Variants in GRM1 observed in about 807,000 individuals in gnomAD.
The protein encoded by GRM1 is metabotropic glutamate receptor 1.
Under a neutral mutation model 90.9 loss-of-function variants are expected in GRM1, and 33 were observed. The observed-to-expected ratio is 0.36, with a 90% confidence interval of 0.28 to 0.49. GRM1 has a LOEUF of 0.49. GRM1 is among the 20% of genes least tolerant of loss of function. The pLI is 0.99. For missense variants in GRM1, 1,190 were observed against 1,534.3 expected (o/e 0.78, Z 3.75); for synonymous variants, 700 against 613.2 (o/e 1.14, Z -2.09).
intron 1 of GRM1, among the ~76,000 whole-genome samples, chr6:146,148,488 A>G (rs1225653742): frequency 1.3e-5 from 2 of 152,164 alleles, no homozygotes; most frequent in Non-Finnish European, 2.9e-5. Context: ...ATTGAGTACA[A>G]TTTTATATCA....
At chr6:146,420,208 T>G (rs1014354421) in intron 7 of GRM1, among the ~76,000 whole-genome samples, 4 of 152,228 alleles carry the variant, frequency 2.6e-5, no homozygotes, top group African/African-American at 9.6e-5. Context: ...TTTGTAATCA[T>G]GTGAAGCTAA....
intron 2 of GRM1, among the ~76,000 whole-genome samples, chr6:146,170,504 G>A (rs1434027259): frequency 3.3e-5 from 5 of 151,898 alleles, no homozygotes; most frequent in African/African-American, 4.8e-5. Context: ...TTTTGTAATC[G>A]TTATTGATTC....
At chr6:146,041,060 C>A (rs901476196) in intron 1 of GRM1, among the ~76,000 whole-genome samples, 2 of 151,854 alleles carry the variant, frequency 1.3e-5, no homozygotes, top group Non-Finnish European at 2.9e-5. Context: ...TTTGATTCAA[C>A]TAAAGTATTT....
At chr6:146,381,325 C>G (rs1402260940) in intron 5 of GRM1, among the ~76,000 whole-genome samples, 1 of 152,208 alleles carries the variant, frequency 6.6e-6, no homozygotes, top group African/African-American at 2.4e-5. Flanking sequence ...CGAGTATCTT[C>G]TAGATAGGGC....
At chr6:146,191,227 A>C (rs1778926061) in intron 2 of GRM1, among the ~76,000 whole-genome samples, 1 of 152,062 alleles carries the variant, frequency 6.6e-6, no homozygotes, top group Non-Finnish European at 1.5e-5. Flanking sequence ...CTTCTCTGTC[A>C]TGGCATTACC....
At chr6:146,053,180 C>T (rs1775354717) in intron 1 of GRM1, among the ~76,000 whole-genome samples, 2 of 152,032 alleles carry the variant, frequency 1.3e-5, no homozygotes, top group African/African-American at 2.4e-5. Context: ...GAAATTAAGG[C>T]TCAAATAGGT....
intron 3 of GRM1, among the ~76,000 whole-genome samples, chr6:146,345,145 T>C (rs985809425): frequency 3.9e-5 from 6 of 152,202 alleles, no homozygotes; most frequent in African/African-American, 7.2e-5. Context: ...CATGTGTTGC[T>C]AATACTGTAG....
chr6:146,227,123 A>C (rs148256941), intron 2 of GRM1, among the ~76,000 whole-genome samples: 1 of 152,070 alleles, frequency 6.6e-6, no homozygotes. Flanking sequence ...TTTATATAAA[A>C]CTATTGTATA....
At position 146,029,573 on chromosome 6, in the gene GRM1, T is replaced by C; in HGVS notation, c.56T>C (p.Leu19Pro). 1 of 1,613,980 alleles carries C rather than the reference T, an allele frequency of 6.2e-7. No individual in the cohort carries two copies. Among genetic ancestry groups the C allele is most frequent in the Non-Finnish European group, 8.5e-7 (1 of 1,179,996 alleles). Reference sequence around the variant, plus strand: ...GCGATCTTTTTGGAGGTGTCCCTTCTCCCCAGAAGCCCCGGCAGGAAAGTG... The same window carrying C: ...GCGATCTTTTTGGAGGTGTCCCTTCCCCCCAGAAGCCCCGGCAGGAAAGTG... ...FPAIFLEVSL[L>P]PRSPGRKVLL... Residue 19 changes from leucine (L) to proline (P), a missense_variant, in exon 1 of 8, where the codon CTC becomes CCC. This residue lies in a region of GRM1 where 44 missense variants were observed against 35.8 expected (regional missense o/e 1.23). Coordinates refer to ENST00000282753, the MANE Select transcript of GRM1 (RefSeq NM_001278064.2).
intron 5 of GRM1, among the ~76,000 whole-genome samples, chr6:146,374,426 A>C (rs1776018746): frequency 1.3e-5 from 2 of 152,158 alleles, no homozygotes; most frequent in South Asian, 2.1e-4. Context: ...TTTTTGTTAT[A>C]GTTTGAGTAG....
At chr6:146,278,741 G>C (rs1184649794) in intron 2 of GRM1, among the ~76,000 whole-genome samples, 1 of 152,154 alleles carries the variant, frequency 6.6e-6, no homozygotes, top group East Asian at 1.9e-4. Context: ...CCGAGATCAC[G>C]CTACTGCACT....
rs1164254745 is a variant in GRM1, at chr6:146,416,172, T to C, written c.2660+16473T>C. Among the ~76,000 whole-genome samples the C allele has an allele frequency of 1.3e-5, 2 of 152,162 alleles. 1 individual carries two copies. Among genetic ancestry groups the C allele is most frequent in the East Asian group, 3.8e-4 (2 of 5,196 alleles). ...TTGCTTTTCAGTCAGTCTGATAATGTTTACCTTTAAATTAGAATATCTAGT... is the reference window on the plus strand; with the variant it reads ...TTGCTTTTCAGTCAGTCTGATAATGCTTACCTTTAAATTAGAATATCTAGT... On this transcript the variant is annotated intron_variant, in intron 7 of 7. Transcript: ENST00000282753.
At chr6:146,417,537 G>T (rs189715891) in intron 7 of GRM1, among the ~76,000 whole-genome samples, 1 of 152,136 alleles carries the variant, frequency 6.6e-6, no homozygotes, top group Non-Finnish European at 1.5e-5. Flanking sequence ...TATGATAATT[G>T]CTTATTCAGT....
chr6:146,336,762 C>T (rs1359807942), intron 3 of GRM1, among the ~76,000 whole-genome samples: 1 of 152,204 alleles, frequency 6.6e-6, no homozygotes, highest in East Asian at 1.9e-4. Flanking sequence ...AGACACAGTC[C>T]CATCTTGAAC....
chr6:146,278,895 C>G lies in GRM1; in HGVS notation c.951-25716C>G, dbSNP rs188861276. Among the ~76,000 whole-genome samples, 294 of 152,168 alleles carry G rather than the reference C, an allele frequency of 1.9e-3. 1 individual carries two copies. Among genetic ancestry groups the G allele is most frequent in the African/African-American group, 7.0e-3 (289 of 41,544 alleles). Reference sequence around the variant, plus strand: ...TAATTTTTTGTATTTTTAGTAGAGTCGGGGTTTCACCGTGTTAGTCAGGAT... The same window carrying G: ...TAATTTTTTGTATTTTTAGTAGAGTGGGGGTTTCACCGTGTTAGTCAGGAT... On this transcript the variant is annotated intron_variant, in intron 2 of 7. Transcript: ENST00000282753.
At chr6:146,287,294 A>G (rs779880925) in intron 2 of GRM1, among the ~76,000 whole-genome samples, 8 of 152,184 alleles carry the variant, frequency 5.3e-5, no homozygotes, top group Admixed American at 3.9e-4. Context: ...TTCACCTTAT[A>G]TAAGAGGTCA....
chr6:146,247,583 T>A (rs1373269405), intron 2 of GRM1, among the ~76,000 whole-genome samples: 2 of 151,742 alleles, frequency 1.3e-5, no homozygotes, highest in Non-Finnish European at 2.9e-5. Flanking sequence ...ACCCTGACTC[T>A]AGTAAAGATA....
intron 1 of GRM1, among the ~76,000 whole-genome samples, chr6:146,074,233 G>A (rs1042423464): frequency 6.6e-6 from 1 of 152,204 alleles, no homozygotes; most frequent in Non-Finnish European, 1.5e-5. Flanking sequence ...TGGGGTTGGA[G>A]TGGTGTGGGC....
chr6:146,213,150 T>TAGGGCAGGAGGGAATGGAA (rs1779737282), intron 2 of GRM1, among the ~76,000 whole-genome samples: 1 of 152,026 alleles, frequency 6.6e-6, no homozygotes, highest in Non-Finnish European at 1.5e-5. Context: ...TCACTTGGTT[T>TAGGGCAGGAGGGAATGGAA]AGGGCAGGAG....
Sources: allele counts gnomAD v4.1 joint callset (sites outside exome capture counted in the v4.1 genomes callset), GRCh38; gene constraint gnomAD v4.1.1; regional missense constraint gnomAD v4.1.1; transcripts MANE v1.5; gene names NCBI Gene and HGNC (gene_info 2026-07-23, HGNC 2026-07-21).